Variants in NFYC observed in about 807,000 individuals in gnomAD.
NFYC encodes the protein nuclear transcription factor Y subunit gamma, also known as CAAT box DNA-binding protein subunit C.
In NFYC, 25 loss-of-function variants were observed where a neutral mutation model predicts 53.1. That is an observed-to-expected ratio of 0.47 (90% CI 0.34 to 0.66). The LOEUF (loss-of-function observed/expected upper bound fraction) is 0.66, where lower values mean the gene tolerates loss of function less well. Among genes scored for constraint, NFYC ranks in the 30% least tolerant of loss-of-function variants. The pLI is 0.01. For missense variants in NFYC, 260 were observed against 422.7 expected, an observed-to-expected ratio of 0.62 and a Z score of 3.38; for synonymous variants, 145 against 152.6, an observed-to-expected ratio of 0.95 and a Z score of 0.37.
At chr1:40,760,717 C>T (rs1339663170) in intron 6 of NFYC, among the ~76,000 whole-genome samples, 2 of 133,200 alleles carry the variant, frequency 1.5e-5, no homozygotes, top group South Asian at 4.8e-4. Flanking sequence ...GAGACTGTCT[C>T]AAAAAAAAAA....
At chr1:40,715,617 G>A (rs755373458) in intron 1 of NFYC, among the ~76,000 whole-genome samples, 4 of 152,010 alleles carry the variant, frequency 2.6e-5, no homozygotes, top group Non-Finnish European at 5.9e-5. Context: ...GATTCTATTT[G>A]TATTATCACT....
At chr1:40,720,480 G>A (rs1345771734) in intron 1 of NFYC, among the ~76,000 whole-genome samples, 8 of 151,818 alleles carry the variant, frequency 5.3e-5, no homozygotes, top group Admixed American at 2.6e-4. Flanking sequence ...ACTGCACAAA[G>A]GTTACTGCAC....
chr1:40,704,880 C>CTA (rs1643619372), intron 1 of NFYC, among the ~76,000 whole-genome samples: 4 of 152,268 alleles, frequency 2.6e-5, no homozygotes, highest in African/African-American at 9.6e-5. Flanking sequence ...TTGCTTTCTG[C>CTA]AGGCCTGCAG....
chr1:40,749,188 C>G (rs1645775740), intron 3 of NFYC, among the ~76,000 whole-genome samples: 1 of 152,122 alleles, frequency 6.6e-6, no homozygotes, highest in African/African-American at 2.4e-5. Context: ...CAATTTTATC[C>G]AAATCCATTG....
intron 3 of NFYC, among the ~76,000 whole-genome samples, chr1:40,749,367 G>A (rs1433543504): frequency 1.3e-5 from 2 of 152,114 alleles, no homozygotes; most frequent in African/African-American, 2.4e-5. Context: ...AAGGTTTGGC[G>A]CATGGTATGT....
chr1:40,736,193 A>C (rs910610508), intron 1 of NFYC, among the ~76,000 whole-genome samples: 1 of 152,174 alleles, frequency 6.6e-6, no homozygotes, highest in Non-Finnish European at 1.5e-5. Context: ...TCACCCACTA[A>C]TGTCATTACA....
In NFYC at chr1:40,751,372, T is replaced by A. The variant is rs147268615; in HGVS notation, c.291+1686T>A. On this transcript the variant is annotated intron_variant, in intron 4 of 9. Transcript: ENST00000447388. ...AGATTTAGGGGAGTGTGGGGAAGGATATTGACTGGAAAGGGCTAGAAGGAA... is the reference window on the plus strand; with the variant it reads ...AGATTTAGGGGAGTGTGGGGAAGGAAATTGACTGGAAAGGGCTAGAAGGAA... 2.8e-3 allele frequency among the ~76,000 whole-genome samples: 423 copies of A among 152,190 alleles called. 4 individuals carry two copies. The highest frequency in any genetic ancestry group is 9.6e-3 in the African/African-American group (400 of 41,518).
chr1:40,717,985 G>T (rs1321201355), intron 1 of NFYC, among the ~76,000 whole-genome samples: 1 of 152,036 alleles, frequency 6.6e-6, no homozygotes, highest in Non-Finnish European at 1.5e-5. Context: ...TAGTTTCTAG[G>T]CTATATATGT....
intron 1 of NFYC, among the ~76,000 whole-genome samples, chr1:40,729,149 G>A (rs966032612): frequency 2.6e-5 from 4 of 152,176 alleles, no homozygotes; most frequent in Admixed American, 1.3e-4. Flanking sequence ...TTTTTGGAAT[G>A]GTAAATGAGC....
At chr1:40,729,314 C>A (rs777967494) in intron 1 of NFYC, among the ~76,000 whole-genome samples, 7 of 152,222 alleles carry the variant, frequency 4.6e-5, no homozygotes, top group African/African-American at 7.2e-5. Context: ...ATAAAACTTG[C>A]TGCAGCTTCT....
At chr1:40,756,078 A>G (rs533438055) in intron 5 of NFYC, among the ~76,000 whole-genome samples, 5 of 152,272 alleles carry the variant, frequency 3.3e-5, no homozygotes, top group African/African-American at 4.8e-5. Context: ...AGCTTTTCCA[A>G]GTTAGGTCTG....
rs560036326 is a variant in NFYC at position 40,703,833 on chromosome 1, G to C, written c.-9+11966G>C. On this transcript the variant is annotated intron_variant, in intron 1 of 9. Transcript: ENST00000447388. ...CCTACCACATTCCAGATAATATGTT[G>C]AGTGCTTTCACTTATTTAAGCCTCA... Among the ~76,000 whole-genome samples the C allele has an allele frequency of 2.6e-5, 4 of 152,272 alleles. No homozygotes were observed. The South Asian group carries it at 6.2e-4, about 24-fold the overall frequency.
chr1:40,708,884 A>G (rs570028283), intron 1 of NFYC, among the ~76,000 whole-genome samples: 2 of 152,330 alleles, frequency 1.3e-5, no homozygotes, highest in East Asian at 3.9e-4. Context: ...TCTCTGGTCT[A>G]TTGCCATAGG....
At chr1:40,749,452 G>A (rs1055327093) in intron 3 of NFYC, 121 bp from the exon 4 acceptor site, 2 of 725,246 alleles carry the variant, frequency 2.8e-6, no homozygotes, top group African/African-American at 3.5e-5. Flanking sequence ...GGAATCTCTT[G>A]AGTATACCAC....
chr1:40,735,162 C>T (rs1394693089), intron 1 of NFYC: 2 of 34,110 alleles, frequency 5.9e-5, no homozygotes, highest in East Asian at 7.8e-4. Context: ...AAGGGGTGGG[C>T]CTGAGTGTCT....
intron 1 of NFYC, among the ~76,000 whole-genome samples, chr1:40,732,246 A>G (rs1644808940): frequency 6.6e-6 from 1 of 152,254 alleles, no homozygotes; most frequent in Non-Finnish European, 1.5e-5. Flanking sequence ...GCCAAGGAAT[A>G]GAGAGCTGAA....
chr1:40,695,790 C>T (rs1297040695), intron 1 of NFYC: 2 of 152,148 alleles, frequency 1.3e-5, no homozygotes, highest in African/African-American at 4.8e-5. Context: ...TACTGAGCCA[C>T]TAGGATCTGT....
At chr1:40,715,997 C>G (rs536665931) in intron 1 of NFYC, among the ~76,000 whole-genome samples, 44 of 152,242 alleles carry the variant, frequency 2.9e-4, no homozygotes, top group African/African-American at 1.0e-3. Flanking sequence ...ACATAGAAAA[C>G]TAAAGGGAAG....
chr1:40,715,599 C>T (rs1355835910), intron 1 of NFYC, among the ~76,000 whole-genome samples: 4 of 152,008 alleles, frequency 2.6e-5, no homozygotes, highest in Admixed American at 6.6e-5. Context: ...CTCTTTATAA[C>T]GTGGTCAGAT....
Sources: allele counts gnomAD v4.1 joint callset (sites outside exome capture counted in the v4.1 genomes callset), GRCh38; gene constraint gnomAD v4.1.1; transcripts MANE v1.5; gene names NCBI Gene and HGNC (gene_info 2026-07-23, HGNC 2026-07-21).